Variants in NLGN4X observed in about 807,000 individuals in gnomAD.
The protein encoded by NLGN4X is neuroligin-4, X-linked.
A neutral mutation model predicts 40.3 loss-of-function variants in NLGN4X; 3 were observed. That is an observed-to-expected ratio of 0.07 (90% CI 0.03 to 0.19). The LOEUF (loss-of-function observed/expected upper bound fraction) is 0.19, where lower values mean the gene tolerates loss of function less well. Among genes scored for constraint, NLGN4X ranks in the 10% least tolerant of loss-of-function variants. The pLI is 1.00. For missense variants in NLGN4X, 382 were observed against 708.3 expected, an observed-to-expected ratio of 0.54 and a Z score of 5.23; for synonymous variants, 270 against 306.8, an observed-to-expected ratio of 0.88 and a Z score of 1.25.
intron 2 of NLGN4X, among the ~76,000 whole-genome samples, chrX:6,073,525 G>A: frequency 8.9e-6 from 1 of 112,157 alleles, no homozygotes; most frequent in Non-Finnish European, 1.9e-5. Flanking sequence ...TAACAGGGAG[G>A]GGAGTGAAGA....
chrX:5,979,660 G>T (rs1160713116), intron 3 of NLGN4X, among the ~76,000 whole-genome samples: 13 of 108,912 alleles, frequency 1.2e-4, no homozygotes, highest in African/African-American at 4.0e-4. Context: ...TGAACTGCCT[G>T]TTCAATTTTC....
At chrX:6,067,100 T>TACAGTCC (rs1296273473) in intron 2 of NLGN4X, among the ~76,000 whole-genome samples, 312 of 97,698 alleles carry the variant, frequency 3.2e-3, no homozygotes, top group African/African-American at 0.012. Flanking sequence ...CAGAGTGAGA[T>TACAGTCC]ACAGTCCCCC....
At chrX:6,180,047 G>A (rs940912437) in intron 1 of NLGN4X, among the ~76,000 whole-genome samples, 1 of 110,272 alleles carries the variant, frequency 9.1e-6, no homozygotes, top group African/African-American at 3.4e-5. Context: ...CTAGTTTTTA[G>A]TACATTTACC....
At chrX:5,907,757 G>GGA (rs1207332014) in intron 4 of NLGN4X, among the ~76,000 whole-genome samples, 2 of 108,874 alleles carry the variant, frequency 1.8e-5, no homozygotes, top group East Asian at 2.9e-4. Flanking sequence ...CATATTTGCA[G>GGA]GAGAGAGAGA....
intron 2 of NLGN4X, among the ~76,000 whole-genome samples, chrX:6,046,157 A>G (rs1157639876): frequency 1.8e-5 from 2 of 112,156 alleles, no homozygotes; most frequent in Non-Finnish European, 3.8e-5. Flanking sequence ...GAAACATAAA[A>G]GAACGCTTAC....
At chrX:6,121,318 C>CA (rs67263660) in intron 2 of NLGN4X, among the ~76,000 whole-genome samples, 14 of 108,267 alleles carry the variant, frequency 1.3e-4, no homozygotes, top group East Asian at 8.8e-4. Flanking sequence ...TTGTGTCTGA[C>CA]AAAAAAAAAG....
At chrX:5,923,506 G>A (rs1364113295) in intron 3 of NLGN4X, among the ~76,000 whole-genome samples, 1 of 112,410 alleles carries the variant, frequency 8.9e-6, no homozygotes, top group Non-Finnish European at 1.9e-5. Flanking sequence ...AGGTTTAATG[G>A]ACTTAACAGT....
In NLGN4X at chrX:5,892,740, T is replaced by C. The variant is rs2031245396; in HGVS notation, c.*77A>G. 1.7e-6 allele frequency: 2 copies of C among 1,165,757 alleles called. No homozygotes were observed. Among genetic ancestry groups the C allele is most frequent in the Non-Finnish European group, 2.3e-6 (2 of 861,257 alleles). On this transcript the variant is annotated 3_prime_UTR_variant, in exon 6 of 6. Transcript: ENST00000381095. ...CTGGAGACTTTCTTTCTCTCTCTCT[T>C]TCCTTCTCTCTTTCCTTCCCTCTTC...
chrX:5,921,888 C>T (rs1601889433), intron 3 of NLGN4X, among the ~76,000 whole-genome samples: 1 of 111,217 alleles, frequency 9.0e-6, no homozygotes, highest in African/African-American at 3.3e-5. Flanking sequence ...GCTGCCGTGA[C>T]ACATAATGGG....
intron 2 of NLGN4X, among the ~76,000 whole-genome samples, chrX:6,041,600 GTAGT>G (rs1464290501): frequency 1.8e-5 from 2 of 112,053 alleles, no homozygotes; most frequent in African/African-American, 3.2e-5. Flanking sequence ...ATTATTCACT[GTAGT>G]TGGCATTTTT....
intron 1 of NLGN4X, among the ~76,000 whole-genome samples, chrX:6,158,164 T>C (rs1280742261): frequency 1.8e-5 from 2 of 111,906 alleles, no homozygotes; most frequent in African/African-American, 6.5e-5. Context: ...CAAAGTCATA[T>C]GTCCTCAAGG....
chrX:6,047,091 A>G (rs2147277936), intron 2 of NLGN4X, among the ~76,000 whole-genome samples: 1 of 110,446 alleles, frequency 9.1e-6, no homozygotes, highest in Admixed American at 9.8e-5. Context: ...TTAATAAAGA[A>G]TGACATTACT....
chrX:6,167,080 A>T (rs1476481468), intron 1 of NLGN4X, among the ~76,000 whole-genome samples: 2 of 106,797 alleles, frequency 1.9e-5, no homozygotes, highest in Non-Finnish European at 3.9e-5. Context: ...AAAAAAAAAA[A>T]AAAAAAAAAA....
chrX:6,156,630 CAT>C (rs979396870), intron 1 of NLGN4X, among the ~76,000 whole-genome samples: 1 of 111,945 alleles, frequency 8.9e-6, no homozygotes, highest in African/African-American at 3.3e-5. Flanking sequence ...TCAAATACCA[CAT>C]GTTCTCACTT....
Position 5,903,298 on chromosome X carries a change from G to A in NLGN4X, c.1380C>T (p.His460=), listed in dbSNP as rs139142498. ...AGTAGGTGGGGGAGCCGTACTGCGC[G>A]TGCAGGTCGGCGGTGGCCACGGCGG... is the stretch of plus-strand genomic sequence containing the variant. ...VAPAVATADL[H]AQYGSPTYFY... is the part of the protein sequence containing the mutation. Residue 460 remains histidine (H), a synonymous_variant, in exon 5 of 6, where the codon CAC becomes CAT. Coordinates refer to ENST00000381095, the MANE Select transcript of NLGN4X (RefSeq NM_181332.3). 1.1e-4 allele frequency: 133 copies of A among 1,210,014 alleles called. No individual in the cohort carries two copies. The highest frequency in any genetic ancestry group is 1.4e-4 in the Non-Finnish European group (123 of 895,154).
rs181112034 is a variant in NLGN4X, at chrX:6,051,424, C to A, written c.473-21992G>T. Among the ~76,000 whole-genome samples the A allele has an allele frequency of 4.5e-5, 5 of 111,186 alleles. No homozygotes were observed. The East Asian group carries it at 1.1e-3, about 25-fold the overall frequency. ...TGGAGATAAAATCATCACAGATTTG[C>A]AGTGGTCCCTAGACCCAATGACTAG... On this transcript the variant is annotated intron_variant, in intron 2 of 5. Coordinates refer to ENST00000381095, the MANE Select transcript of NLGN4X (RefSeq NM_181332.3).
intron 2 of NLGN4X, among the ~76,000 whole-genome samples, chrX:6,090,856 A>ACCCTCCTACAATGCATAGGAC (rs2038619583): frequency 9.0e-6 from 1 of 110,802 alleles, no homozygotes; most frequent in African/African-American, 3.4e-5. Context: ...TGCTAAACTA[A>ACCCTCCTACAATGCATAGGAC]ACCTCCTACA....
intron 2 of NLGN4X, among the ~76,000 whole-genome samples, chrX:6,097,529 AC>A (rs2038809460): frequency 9.0e-6 from 1 of 111,659 alleles, no homozygotes; most frequent in South Asian, 3.7e-4. Flanking sequence ...CTCTATGTGA[AC>A]CCAGACACAA....
intron 3 of NLGN4X, among the ~76,000 whole-genome samples, chrX:6,024,688 A>C (rs1445147483): frequency 2.7e-5 from 3 of 111,592 alleles, no homozygotes; most frequent in Non-Finnish European, 5.6e-5. Context: ...ATGCATTAGC[A>C]TGCTAAAAGA....
Sources: gnomAD v4.1 joint callset for allele counts (sites outside exome capture counted in the v4.1 genomes callset) on GRCh38, gnomAD v4.1.1 for gene constraint, MANE v1.5 for transcripts, NCBI Gene and HGNC (gene_info 2026-07-23, HGNC 2026-07-21) for gene names.